ASPSCR1: variants seen among roughly 807,000 people sequenced by gnomAD.
ASPSCR1 encodes the protein ASPSCR1 tether for SLC2A4, UBX domain containing, also known as tether containing UBX domain for GLUT4.
A neutral mutation model predicts 68.9 loss-of-function variants in ASPSCR1; 55 were observed. The ratio of observed to expected loss-of-function variants is 0.80; its 90% CI spans 0.64 to 1.00. The LOEUF (loss-of-function observed/expected upper bound fraction) is 1.00, where lower values mean the gene tolerates loss of function less well. Ranked by LOEUF, ASPSCR1 falls within the 50% of genes least tolerant of loss-of-function variation. ASPSCR1 has a pLI of 0.00. For missense variants in ASPSCR1, 765 were observed against 762.2 expected (o/e 1.00, Z -0.04); for synonymous variants, 352 against 332.6 (o/e 1.06, Z -0.63).
At chr17:81,978,383 G>C (rs1274578061) in intron 1 of ASPSCR1, 3 of 152,184 alleles carry the variant, frequency 2.0e-5, no homozygotes, top group Admixed American at 1.3e-4. Flanking sequence ...AAATTTAGCC[G>C]GGCGTGGTGG....
intron 1 of ASPSCR1, 90 bp from the exon 2 acceptor site, chr17:81,979,094 A>T: frequency 7.1e-7 from 1 of 1,414,694 alleles, no homozygotes; most frequent in Non-Finnish European, 1.0e-6. Flanking sequence ...CTGGCTCACC[A>T]GGAAGCTGAA....
chr17:81,994,107 G>A (rs866095368), intron 4 of ASPSCR1, among the ~76,000 whole-genome samples: 7 of 152,370 alleles, frequency 4.6e-5, no homozygotes, highest in Admixed American at 1.3e-4. Context: ...GGCTGGATGT[G>A]ACGGCATGTG....
intron 7 of ASPSCR1, 29 bp downstream of exon 7, chr17:81,996,875 G>A: frequency 6.5e-7 from 1 of 1,548,196 alleles, no homozygotes; most frequent in African/African-American, 1.4e-5. Flanking sequence ...CTTGGGACTT[G>A]GGGGTGTCCT....
At chr17:82,015,138 C>G in intron 12 of ASPSCR1, 2 of 1,598,256 alleles carry the variant, frequency 1.3e-6, no homozygotes. Flanking sequence ...GTGCCTGGGA[C>G]CAGAGCAGAG....
chr17:81,981,815 C>T (rs1422955440), intron 2 of ASPSCR1, among the ~76,000 whole-genome samples: 8 of 151,510 alleles, frequency 5.3e-5, no homozygotes, highest in African/African-American at 7.3e-5. Context: ...ATTACAGGCA[C>T]GTGCCACGCC....
At position 81,983,279 on chromosome 17, in the gene ASPSCR1, C is replaced by G. The variant is rs192357932; in HGVS notation, c.159-275C>G. Among the ~76,000 whole-genome samples, 4 of 152,256 alleles carry G rather than the reference C, an allele frequency of 2.6e-5. No individual in the cohort carries two copies. Among genetic ancestry groups the G allele is most frequent in the African/African-American group, 9.6e-5 (4 of 41,562 alleles). On this transcript the variant is annotated intron_variant, in intron 2 of 15. Transcript: ENST00000306739. This position sits in a 1 kb window ranked among gnomAD's most constrained non-coding sequence, Gnocchi z 4.4. ...AGCGTCTGCACTGGGGCTGTCAGCA[C>G]CCCAGACTCTGAAGGAGCAGCCCCC...
At chr17:82,012,312 G>A (rs1310429574) in intron 12 of ASPSCR1, 29 bp downstream of exon 12, 6 of 1,608,680 alleles carry the variant, frequency 3.7e-6, no homozygotes, top group African/African-American at 1.3e-5. Flanking sequence ...GGGGTGCTGC[G>A]GGGCGGGGCC....
rs1328258127 is a variant in ASPSCR1 at position 81,996,715 on chromosome 17, A to C, written c.802A>C (p.Lys268Gln). Residue 268 changes from lysine to glutamine, a missense_variant, in exon 7 of 16, where the codon AAG (lysine) becomes CAG (glutamine). By Grantham distance (53) the Lys-to-Gln change is moderately conservative. Transcript: ENST00000306739. ...PTRPLTSSSAKLPKSLSSPGG... is the reference protein window; with the variant it reads ...PTRPLTSSSAQLPKSLSSPGG... ...GAGGCCTCTGACATCATCTTCAGCT[A>C]AGTTGCCGAAGTCCCTCTCCAGCCC... is the stretch of plus-strand genomic sequence containing the variant. The C allele has an allele frequency of 6.2e-7, 1 of 1,613,468 alleles. No individual in the cohort carries two copies. Among genetic ancestry groups the C allele is most frequent in the Non-Finnish European group, 8.5e-7 (1 of 1,179,954 alleles).
At chr17:82,003,961 G>A (rs1235052186) in intron 7 of ASPSCR1, among the ~76,000 whole-genome samples, 1 of 152,256 alleles carries the variant, frequency 6.6e-6, no homozygotes, top group Non-Finnish European at 1.5e-5. Flanking sequence ...GAGCCCTGGC[G>A]GGGCAGGCCG....
intron 4 of ASPSCR1, among the ~76,000 whole-genome samples, chr17:81,993,560 G>A (rs906365650): frequency 2.6e-5 from 4 of 152,192 alleles, no homozygotes; most frequent in Non-Finnish European, 4.4e-5. Flanking sequence ...GTCGGGGCAC[G>A]GTGAGTGCAC....
At chr17:82,010,201 C>T (rs1472659428) in intron 9 of ASPSCR1, 2 of 234,926 alleles carry the variant, frequency 8.5e-6, no homozygotes, top group South Asian at 3.8e-5. Context: ...GGATTACAGG[C>T]TTGAGCCACC....
Position 81,986,290 on chromosome 17 carries a change from T to C in ASPSCR1, c.374+683T>C, listed in dbSNP as rs1352526972. 1.3e-5 allele frequency among the ~76,000 whole-genome samples: 2 copies of C among 152,014 alleles called. No homozygotes were observed. Among genetic ancestry groups the C allele is most frequent in the East Asian group, 1.9e-4 (1 of 5,188 alleles). On this transcript the variant is annotated intron_variant, in intron 4 of 15. Transcript: ENST00000306739. The surrounding 1 kb of genome is among the most constrained non-coding windows in gnomAD (Gnocchi z 5.2). ...AATAGAAATGTTAGGCCAGGCATAG[T>C]GCATGGTGGTGCGTGCCTGTGGTCC... is the stretch of plus-strand genomic sequence containing the variant.
intron 5 of ASPSCR1, chr17:81,995,537 C>G: frequency 3.5e-6 from 1 of 287,052 alleles, no homozygotes; most frequent in South Asian, 3.8e-5. Context: ...CTTCTCCACC[C>G]CTTCCTCACA....
In ASPSCR1 at chr17:81,986,897, G is replaced by A. The variant is rs931036959; in HGVS notation, c.374+1290G>A. Among the ~76,000 whole-genome samples, 1 of 152,218 alleles carries A rather than the reference G, an allele frequency of 6.6e-6. No homozygotes were observed. Among genetic ancestry groups the A allele is most frequent in the African/African-American group, 2.4e-5 (1 of 41,462 alleles). On this transcript the variant is annotated intron_variant, in intron 4 of 15. Coordinates refer to ENST00000306739, the MANE Select transcript of ASPSCR1 (RefSeq NM_024083.4). The surrounding 1 kb of genome is among the most constrained non-coding windows in gnomAD (Gnocchi z 5.2). ...CTGCACGTCGGGTCTCAGTGGTCATGGGGATGGAAGCCACCCCAGTGGCTG... is the reference window on the plus strand; with the variant it reads ...CTGCACGTCGGGTCTCAGTGGTCATAGGGATGGAAGCCACCCCAGTGGCTG...
Position 81,996,808 on chromosome 17 carries a change from C to A in ASPSCR1, c.895C>A (p.Arg299=). Residue 299 remains arginine, a synonymous_variant, in exon 7 of 16, where the codon CGG becomes AGG. Coordinates refer to ENST00000306739, the MANE Select transcript of ASPSCR1 (RefSeq NM_024083.4). ...TCCCCAGCAGGAGCAGGAGCAGGAG[C>A]GGGAGCGGGATCCCCAGCAGGAGCA... ...QDPQQEQEQE[R]ERDPQQEQER... is the part of the protein sequence containing the mutation. 2 of 1,607,560 alleles carry A rather than the reference C, an allele frequency of 1.2e-6. No individual in the cohort carries two copies. The highest frequency in any genetic ancestry group is 2.2e-5 in the South Asian group (2 of 90,744).
At chr17:81,994,965 C>CCGCCACTGCCCTGG in intron 5 of ASPSCR1, 87 bp downstream of exon 5, 1 of 1,391,174 alleles carries the variant, frequency 7.2e-7, no homozygotes, top group Non-Finnish European at 9.8e-7. Context: ...CAGCCGTCTC[C>CCGCCACTGCCCTGG]AGGGCAGTGG....
In ASPSCR1 at chr17:81,990,937, G is replaced by C. The variant is rs1051714230; in HGVS notation, c.375-3884G>C. ...CGAGGGCAGGCGGGCGAGTCCCGTA[G>C]TTTGAATCCCACGTCCCGTAAGGAC... On this transcript the variant is annotated intron_variant, in intron 4 of 15. Coordinates refer to ENST00000306739, the MANE Select transcript of ASPSCR1 (RefSeq NM_024083.4). This position sits in a 1 kb window ranked among gnomAD's most constrained non-coding sequence, Gnocchi z 4.1. 6.6e-6 allele frequency among the ~76,000 whole-genome samples: 1 copy of C among 152,150 alleles called. No individual in the cohort carries two copies. The highest frequency in any genetic ancestry group is 2.1e-4 in the South Asian group (1 of 4,836).
intron 7 of ASPSCR1, 80 bp from the exon 8 acceptor site, chr17:82,008,957 C>T (rs544911390): frequency 1.5e-4 from 210 of 1,420,506 alleles, no homozygotes; most frequent in East Asian, 1.4e-3. Flanking sequence ...GTGTGACCAC[C>T]TCGGCTGGGG....
intron 9 of ASPSCR1, chr17:82,010,059 G>A (rs148572120): frequency 2.1e-4 from 72 of 338,824 alleles, no homozygotes; most frequent in South Asian, 1.2e-3. Flanking sequence ...TCAGGTACCC[G>A]CTACCACTAG....
Sources: allele counts gnomAD v4.1 joint callset (sites outside exome capture counted in the v4.1 genomes callset), GRCh38; gene constraint gnomAD v4.1.1; non-coding constraint Gnocchi (gnomAD v3.1); transcripts MANE v1.5; gene names NCBI Gene and HGNC (gene_info 2026-07-23, HGNC 2026-07-21).